Variants in HHIP observed in about 807,000 individuals in gnomAD.
HHIP encodes hedgehog-interacting protein.
A neutral mutation model predicts 74.0 loss-of-function variants in HHIP; 12 were observed. The ratio of observed to expected loss-of-function variants is 0.16; its 90% confidence interval spans 0.10 to 0.26. The LOEUF (loss-of-function observed/expected upper bound fraction) is 0.26. Among genes scored for constraint, HHIP ranks in the 10% least tolerant of loss-of-function variants. The probability of loss-of-function intolerance (pLI) is 1.00; values close to 1 mark genes in which losing one functional copy is unlikely to be tolerated. For missense variants in HHIP, 788 were observed against 845.0 expected (o/e 0.93, Z 0.84); for synonymous variants, 309 against 311.6 (o/e 0.99, Z 0.09).
chr4:144,734,826 T>TA lies in HHIP; in HGVS notation c.1847dup (p.Tyr616Ter). The change falls in exon 12 of 13, where the codon TAC becomes TAAC. Residue 616 changes from tyrosine (Y) to a stop codon, truncating the protein, a stop_gained and frameshift_variant. Transcript: ENST00000296575. LOFTEE classifies it high-confidence loss of function. ...GTGCTCCAGGCTCTGTCGAAACGGC[T>TA]ACTGCACCCCCACGGGAAAGTGCTG... ...SECSRLCRNG[Y>*]CTPTGKCCCS... The TA allele has an allele frequency of 6.2e-7, 1 of 1,613,074 alleles. No homozygotes were observed. The highest frequency in any genetic ancestry group is 8.5e-7 in the Non-Finnish European group (1 of 1,179,268).
chr4:144,666,741 G>A (rs951771584), intron 4 of HHIP, among the ~76,000 whole-genome samples: 1 of 152,202 alleles, frequency 6.6e-6, no homozygotes. Context: ...GCTCAGTGAG[G>A]AGGCTGAGAG....
At chr4:144,657,964 A>G (rs1429265973) in intron 2 of HHIP, among the ~76,000 whole-genome samples, 1 of 152,198 alleles carries the variant, frequency 6.6e-6, no homozygotes, top group Non-Finnish European at 1.5e-5. Flanking sequence ...TATAGCATAT[A>G]ATGACCTTGT....
At chr4:144,716,482 G>GA (rs1248885062) in intron 10 of HHIP, among the ~76,000 whole-genome samples, 1 of 152,120 alleles carries the variant, frequency 6.6e-6, no homozygotes, top group Non-Finnish European at 1.5e-5. Flanking sequence ...AAAGGAACCA[G>GA]AAAGATACTT....
intron 4 of HHIP, among the ~76,000 whole-genome samples, chr4:144,705,611 A>G (rs565335788): frequency 1.3e-5 from 2 of 152,296 alleles, no homozygotes; most frequent in African/African-American, 4.8e-5. Flanking sequence ...AAATTCCTAG[A>G]CTATTTGTGG....
intron 4 of HHIP, among the ~76,000 whole-genome samples, chr4:144,677,574 G>A (rs577731786): frequency 3.3e-5 from 5 of 152,310 alleles, no homozygotes; most frequent in African/African-American, 1.2e-4. Context: ...AGCCACAAGT[G>A]TGGAAAGGGT....
At chr4:144,733,802 T>C (rs1385510238) in intron 11 of HHIP, among the ~76,000 whole-genome samples, 1 of 152,116 alleles carries the variant, frequency 6.6e-6, no homozygotes, top group Non-Finnish European at 1.5e-5. Flanking sequence ...GAAGATTAGG[T>C]AATGAGCAGT....
chr4:144,724,074 G>A lies in HHIP; in HGVS notation c.1760+5118G>A, dbSNP rs111541104. 2.0e-3 allele frequency among the ~76,000 whole-genome samples: 306 copies of A among 152,192 alleles called. 2 individuals are homozygous for A. Among genetic ancestry groups the A allele is most frequent in the African/African-American group, 6.8e-3 (284 of 41,532 alleles). ...TAGAGATATACCACAAAAGATTTGG[G>A]CAACATCAAAGTTGAAACTTCTAAT... On this transcript the variant is annotated intron_variant, in intron 11 of 12. Coordinates refer to ENST00000296575, the MANE Select transcript of HHIP (RefSeq NM_022475.3).
intron 6 of HHIP, among the ~76,000 whole-genome samples, chr4:144,707,822 G>A (rs1182178761): frequency 6.6e-6 from 1 of 152,084 alleles, no homozygotes; most frequent in Non-Finnish European, 1.5e-5. Context: ...GCTCAGGCCA[G>A]CATGTAGCAG....
intron 7 of HHIP, among the ~76,000 whole-genome samples, chr4:144,709,016 T>C (rs1296927781): frequency 1.3e-5 from 2 of 152,200 alleles, no homozygotes; most frequent in East Asian, 3.9e-4. Flanking sequence ...TGCTATGAAG[T>C]ATAATACAGC....
At chr4:144,680,516 C>T (rs939185456) in intron 4 of HHIP, among the ~76,000 whole-genome samples, 1 of 152,192 alleles carries the variant, frequency 6.6e-6, no homozygotes, top group African/African-American at 2.4e-5. Context: ...TTGTGGAAAT[C>T]AGCTCAGAAG....
intron 4 of HHIP, among the ~76,000 whole-genome samples, chr4:144,700,869 G>A (rs1466721111): frequency 1.3e-5 from 2 of 152,134 alleles, no homozygotes; most frequent in Non-Finnish European, 2.9e-5. Context: ...AATAGAAAAT[G>A]AATACAATCT....
At position 144,737,756 on chromosome 4, in the gene HHIP, T is replaced by A. The variant is rs1439139474; in HGVS notation, c.1910-8T>A. ...GAGTGTGATGTTCTTGCTCTTTTTCTCTCCCAGCAAAATGTGAGCCAGCAT... is the reference window on the plus strand; with the variant it reads ...GAGTGTGATGTTCTTGCTCTTTTTCACTCCCAGCAAAATGTGAGCCAGCAT... On this transcript the variant is annotated splice_region_variant and splice_polypyrimidine_tract_variant and intron_variant, in intron 12 of 12. Coordinates refer to ENST00000296575, the MANE Select transcript of HHIP (RefSeq NM_022475.3). 6.3e-7 allele frequency: 1 copy of A among 1,592,922 alleles called. No individual in the cohort carries two copies. Among genetic ancestry groups the A allele is most frequent in the Non-Finnish European group, 8.6e-7 (1 of 1,167,542 alleles).
At chr4:144,706,250 A>G (rs916786880) in intron 4 of HHIP, among the ~76,000 whole-genome samples, 7 of 152,206 alleles carry the variant, frequency 4.6e-5, no homozygotes, top group Non-Finnish European at 1.0e-4. Flanking sequence ...TTGTCCTCCT[A>G]GCGGCCCAAG....
chr4:144,721,682 C>T (rs567836823), intron 11 of HHIP, among the ~76,000 whole-genome samples: 1 of 151,702 alleles, frequency 6.6e-6, no homozygotes, highest in South Asian at 2.1e-4. Flanking sequence ...GGGTGGATCA[C>T]CTGAGGTCAG....
At chr4:144,664,434 C>T (rs1023053952) in intron 4 of HHIP, among the ~76,000 whole-genome samples, 1 of 152,238 alleles carries the variant, frequency 6.6e-6, no homozygotes, top group African/African-American at 2.4e-5. Context: ...TCTAAGTCCT[C>T]ATCAACCATG....
rs1730839005 is a variant in HHIP at position 144,727,608 on chromosome 4, C to T, written c.1761-7133C>T. 2.6e-5 allele frequency among the ~76,000 whole-genome samples: 4 copies of T among 152,076 alleles called. No homozygotes were observed. The South Asian group carries it at 8.3e-4, about 32-fold the overall frequency. Reference sequence around the variant, plus strand: ...CCTAAGGCAGTTTGATAAAACTGGACCTTGTCTTTTTATCTAAAAGCACAT... The same window carrying T: ...CCTAAGGCAGTTTGATAAAACTGGATCTTGTCTTTTTATCTAAAAGCACAT... On this transcript the variant is annotated intron_variant, in intron 11 of 12. Transcript: ENST00000296575.
In HHIP at chr4:144,707,907, C is replaced by T. The variant is rs114022826; in HGVS notation, c.1158-261C>T. Among the ~76,000 whole-genome samples the T allele has an allele frequency of 9.4e-3, 1,435 of 152,206 alleles. 19 individuals carry two copies. The highest frequency in any genetic ancestry group is 0.033 in the African/African-American group (1,382 of 41,522). ...CCTGGCCGCATGCCACCACATCTGG[C>T]TCATTTTAAAATTTTTTGTAGAGAT... On this transcript the variant is annotated intron_variant, in intron 6 of 12. Transcript: ENST00000296575.
At chr4:144,709,529 T>C (rs1730232232) in intron 7 of HHIP, among the ~76,000 whole-genome samples, 1 of 152,170 alleles carries the variant, frequency 6.6e-6, no homozygotes, top group Non-Finnish European at 1.5e-5. Context: ...TCCCCACCTC[T>C]GGTGGCAGAG....
chr4:144,669,645 A>G (rs763751379), intron 4 of HHIP, among the ~76,000 whole-genome samples: 2 of 152,230 alleles, frequency 1.3e-5, no homozygotes, highest in Non-Finnish European at 1.5e-5. Context: ...GAGAATGTCA[A>G]TGAATATGAT....
Sources: gnomAD v4.1 joint callset for allele counts (sites outside exome capture counted in the v4.1 genomes callset) on GRCh38, gnomAD v4.1.1 for gene constraint, MANE v1.5 for transcripts, NCBI Gene and HGNC (gene_info 2026-07-23, HGNC 2026-07-21) for gene names.